TENM4: variants seen among roughly 807,000 people sequenced by gnomAD.
The protein encoded by TENM4 is teneurin-4.
A neutral mutation model predicts 243.3 loss-of-function variants in TENM4; 82 were observed. That is an observed-to-expected ratio of 0.34 (90% confidence interval 0.28 to 0.40). The LOEUF (loss-of-function observed/expected upper bound fraction) is 0.40, where lower values mean the gene tolerates loss of function less well. Ranked by LOEUF, TENM4 falls within the 10% of genes least tolerant of loss-of-function variation. The pLI, the probability that TENM4 is intolerant of heterozygous loss-of-function variation, is 1.00. For synonymous variants in TENM4, 1,412 were observed against 1,456.3 expected (o/e 0.97, Z 0.69); for missense variants, 3,138 against 3,673.3 (o/e 0.85, Z 3.77).
chr11:78,737,428 C>T (rs940725929), intron 20 of TENM4, among the ~76,000 whole-genome samples: 20 of 152,198 alleles, frequency 1.3e-4, no homozygotes, highest in African/African-American at 4.8e-4. Context: ...AAGAGGCACA[C>T]ATGTCTACAA....
At chr11:78,775,897 T>A (rs1260904645) in intron 17 of TENM4, among the ~76,000 whole-genome samples, 1 of 152,150 alleles carries the variant, frequency 6.6e-6, no homozygotes, top group African/African-American at 2.4e-5. Flanking sequence ...TATGAAGAAG[T>A]CCCCCTTGCA....
In TENM4 at chr11:78,814,299, C is replaced by T. The variant is rs1857560171; in HGVS notation, c.1778G>A (p.Gly593Asp). 2 of 1,549,958 alleles carry T rather than the reference C, an allele frequency of 1.3e-6. No homozygotes were observed. The highest frequency in any genetic ancestry group is 2.0e-5 in the Admixed American group (1 of 50,814). ...CFLGFLGPDC[G>D]RASCPVLCSG... Reference sequence around the variant, plus strand: ...CTCCAATGCAGAGTTCTCACCTCTGCCACAGTCGGGGCCCAGGAAACCCAG... The same window carrying T: ...CTCCAATGCAGAGTTCTCACCTCTGTCACAGTCGGGGCCCAGGAAACCCAG... Residue 593 changes from glycine (G) to aspartate (D), a missense_variant, in exon 13 of 34, where the codon GGC becomes GAC. By Grantham distance (94) the Gly-to-Asp change is moderately conservative. Transcript: ENST00000278550.
intron 1 of TENM4, among the ~76,000 whole-genome samples, chr11:79,309,495 T>C (rs1013184286): frequency 3.3e-5 from 5 of 152,360 alleles, no homozygotes; most frequent in African/African-American, 1.2e-4. Context: ...GGGGACCGCC[T>C]GGTTTTATTA....
At chr11:78,935,072 C>CAGTGGT (rs1856755655) in intron 6 of TENM4, among the ~76,000 whole-genome samples, 1 of 130,006 alleles carries the variant, frequency 7.7e-6, no homozygotes, top group African/African-American at 2.8e-5. Context: ...ACTGCAGTGG[C>CAGTGGT]GCAATCTCGG....
chr11:78,839,249 G>A (rs1369848468), intron 12 of TENM4, among the ~76,000 whole-genome samples: 1 of 151,956 alleles, frequency 6.6e-6, no homozygotes, highest in African/African-American at 2.4e-5. Context: ...CTTATAAATT[G>A]ACATATTTAG....
chr11:78,743,736 C>T lies in TENM4; in HGVS notation c.2757-5166G>A, dbSNP rs150576941. Among the ~76,000 whole-genome samples, 596 of 152,062 alleles carry T rather than the reference C, an allele frequency of 3.9e-3. 2 individuals are homozygous for T. Among genetic ancestry groups the T allele is most frequent in the African/African-American group, 0.014 (563 of 41,482 alleles). On this transcript the variant is annotated intron_variant, in intron 19 of 33. Coordinates refer to ENST00000278550, the MANE Select transcript of TENM4 (RefSeq NM_001098816.3). ...ATCTGAAAAACTTTGAAAAAGAATG[C>T]CAGAAACAAAGTTAGATTGATTATT...
chr11:79,031,011 A>G (rs535858675), intron 6 of TENM4, among the ~76,000 whole-genome samples: 5 of 152,292 alleles, frequency 3.3e-5, no homozygotes, highest in African/African-American at 9.6e-5. Flanking sequence ...GGATAAAGGG[A>G]CATATATGTG....
Position 78,738,551 on chromosome 11 carries a change from C to T in TENM4, c.2776G>A (p.Gly926Ser). The change falls in exon 20 of 34, where the codon GGC becomes AGC. Residue 926 changes from glycine to serine, a missense_variant. This residue lies in a region of TENM4 where 2,467 missense variants were observed against 3,059.1 expected (regional missense o/e 0.81). Transcript: ENST00000278550. ...FDGGHACVIR[G>S]QVMTSDGTPL... ...GTTCCATCTGATGTCATCACTTGGC[C>T]ACGAATAACACAAGCATGCCTGTGG... 6.2e-7 allele frequency: 1 copy of T among 1,613,568 alleles called. No homozygotes were observed. The highest frequency in any genetic ancestry group is 8.5e-7 in the Non-Finnish European group (1 of 1,179,704).
At chr11:78,700,384 T>C (rs1313635632) in intron 28 of TENM4, among the ~76,000 whole-genome samples, 1 of 152,106 alleles carries the variant, frequency 6.6e-6, no homozygotes, top group Non-Finnish European at 1.5e-5. Context: ...AAATGGATAA[T>C]ATCACCCATC....
At chr11:78,917,788 C>G (rs1378317665) in intron 6 of TENM4, among the ~76,000 whole-genome samples, 1 of 152,154 alleles carries the variant, frequency 6.6e-6, no homozygotes, top group Non-Finnish European at 1.5e-5. Context: ...GAACGTAATA[C>G]AGTATGGTAG....
intron 19 of TENM4, among the ~76,000 whole-genome samples, chr11:78,747,095 C>A (rs895594307): frequency 1.8e-4 from 27 of 152,132 alleles, no homozygotes; most frequent in African/African-American, 6.5e-4. Context: ...AGGTGCACAG[C>A]AATACACAGC....
intron 4 of TENM4, among the ~76,000 whole-genome samples, chr11:79,121,296 C>T (rs1271169024): frequency 6.6e-6 from 1 of 152,112 alleles, no homozygotes; most frequent in African/African-American, 2.4e-5. Flanking sequence ...TCAAAATAAT[C>T]TGGGCTTGAG....
chr11:79,025,646 TG>T (rs1256247400), intron 6 of TENM4, among the ~76,000 whole-genome samples: 1 of 152,218 alleles, frequency 6.6e-6, no homozygotes, highest in Non-Finnish European at 1.5e-5. Flanking sequence ...TAAGGTCCCA[TG>T]GGCAGTCATT....
chr11:79,429,354 C>T (rs2135605098), intron 1 of TENM4, among the ~76,000 whole-genome samples: 1 of 152,270 alleles, frequency 6.6e-6, no homozygotes, highest in Non-Finnish European at 1.5e-5. Context: ...CAATAAACAC[C>T]TGCACTCGCC....
At chr11:78,780,820 G>A (rs1048050497) in intron 16 of TENM4, among the ~76,000 whole-genome samples, 1 of 152,156 alleles carries the variant, frequency 6.6e-6, no homozygotes, top group African/African-American at 2.4e-5. Flanking sequence ...CCAGACCACA[G>A]GTAGGAAAGA....
chr11:78,702,462 C>T (rs1453459916), intron 27 of TENM4, 59 bp from the exon 28 acceptor site: 14 of 1,560,772 alleles, frequency 9.0e-6, no homozygotes, highest in Non-Finnish European at 1.1e-5. Context: ...CTAATCCATC[C>T]CATAGCCCAT....
At chr11:78,790,646 T>C (rs867444039) in intron 15 of TENM4, among the ~76,000 whole-genome samples, 2 of 152,176 alleles carry the variant, frequency 1.3e-5, no homozygotes, top group Admixed American at 6.5e-5. Flanking sequence ...TTTTCATTGT[T>C]TTGACAATCC....
At chr11:78,933,177 C>A (rs549581396) in intron 6 of TENM4, among the ~76,000 whole-genome samples, 2 of 152,172 alleles carry the variant, frequency 1.3e-5, no homozygotes, top group South Asian at 2.1e-4. Flanking sequence ...AAAGGCTGCC[C>A]AGTGCTTCTC....
intron 2 of TENM4, among the ~76,000 whole-genome samples, chr11:79,251,095 C>G (rs927713925): frequency 1.3e-5 from 2 of 152,162 alleles, no homozygotes; most frequent in Non-Finnish European, 2.9e-5. Flanking sequence ...ACATAGTAGG[C>G]CAGAAGTATA....
Sources: gnomAD v4.1 joint callset for allele counts (sites outside exome capture counted in the v4.1 genomes callset) on GRCh38, gnomAD v4.1.1 for gene constraint, gnomAD v4.1.1 regional missense constraint, MANE v1.5 for transcripts, NCBI Gene and HGNC (gene_info 2026-07-23, HGNC 2026-07-21) for gene names.